NEK11: variants seen among roughly 807,000 people sequenced by gnomAD.
NEK11 encodes the protein serine/threonine-protein kinase Nek11.
NEK11 carries 72 observed loss-of-function variants against 80.7 expected under a neutral mutation model. That is an observed-to-expected ratio of 0.89 (90% CI 0.74 to 1.08). NEK11 has a LOEUF of 1.08. NEK11 is among the 50% of genes least tolerant of loss of function. The pLI is 0.00. For synonymous variants in NEK11, 251 were observed against 260.7 expected, an observed-to-expected ratio of 0.96 and a Z score of 0.36; for missense variants, 764 against 763.6, an observed-to-expected ratio of 1.00 and a Z score of -0.01.
intron 7 of NEK11, among the ~76,000 whole-genome samples, chr3:131,137,473 G>C (rs1340536793): frequency 6.6e-6 from 1 of 152,096 alleles, no homozygotes. Flanking sequence ...GAAAGCTCTG[G>C]AGCAAAAGAA....
At chr3:131,242,474 CAG>C (rs2095534328) in intron 15 of NEK11, among the ~76,000 whole-genome samples, 1 of 152,120 alleles carries the variant, frequency 6.6e-6, no homozygotes, top group South Asian at 2.1e-4. Context: ...AATTATGAAA[CAG>C]GGAAGAAATG....
intron 4 of NEK11, among the ~76,000 whole-genome samples, chr3:131,093,760 C>T (rs149828637): frequency 6.6e-6 from 1 of 152,196 alleles, no homozygotes; most frequent in African/African-American, 2.4e-5. Context: ...AAATTTGTTA[C>T]ATGGTGAACT....
chr3:131,127,722 G>A (rs2083607897), intron 5 of NEK11, among the ~76,000 whole-genome samples: 1 of 124,404 alleles, frequency 8.0e-6, no homozygotes, highest in Non-Finnish European at 1.8e-5. Flanking sequence ...AACAATATAT[G>A]TGAAATATTG....
chr3:131,304,902 G>A (rs1403443676), intron 17 of NEK11, among the ~76,000 whole-genome samples: 1 of 152,112 alleles, frequency 6.6e-6, no homozygotes, highest in African/African-American at 2.4e-5. Context: ...AGCTGGGGTG[G>A]AGCACCATTG....
chr3:131,234,981 T>C (rs549644470), intron 15 of NEK11, among the ~76,000 whole-genome samples: 129 of 152,012 alleles, frequency 8.5e-4, no homozygotes, highest in African/African-American at 2.9e-3. Context: ...TACCAAAGCA[T>C]GGAGAAAAAG....
chr3:131,049,767 G>T (rs2068039897), intron 3 of NEK11, among the ~76,000 whole-genome samples: 1 of 152,094 alleles, frequency 6.6e-6, no homozygotes, highest in Non-Finnish European at 1.5e-5. Flanking sequence ...AAATTTGCCA[G>T]ATATTGTTCA....
chr3:131,203,732 TA>T (rs2094334706), intron 14 of NEK11, among the ~76,000 whole-genome samples: 1 of 131,766 alleles, frequency 7.6e-6, no homozygotes, highest in African/African-American at 2.9e-5. Flanking sequence ...GTATATTATA[TA>T]TGTGTATATA....
chr3:131,272,051 G>A (rs2096199647), intron 16 of NEK11, among the ~76,000 whole-genome samples: 1 of 152,024 alleles, frequency 6.6e-6, no homozygotes. Flanking sequence ...GGTGAGCCGA[G>A]ATCACGCCAT....
intron 14 of NEK11, among the ~76,000 whole-genome samples, chr3:131,185,171 G>T (rs1440838294): frequency 6.6e-6 from 1 of 152,152 alleles, no homozygotes; most frequent in Non-Finnish European, 1.5e-5. Context: ...TTAATAACAG[G>T]CCTAGTAGGG....
intron 4 of NEK11, among the ~76,000 whole-genome samples, chr3:131,085,428 G>A (rs1042942911): frequency 5.9e-5 from 9 of 152,178 alleles, no homozygotes; most frequent in African/African-American, 2.2e-4. Context: ...GAATTTTCAG[G>A]TAGGATTAAT....
intron 17 of NEK11, among the ~76,000 whole-genome samples, chr3:131,307,095 G>C (rs1208581668): frequency 1.3e-5 from 2 of 152,160 alleles, no homozygotes; most frequent in Non-Finnish European, 2.9e-5. Flanking sequence ...TTAGGAGGGA[G>C]TGATGCCTTC....
intron 17 of NEK11, among the ~76,000 whole-genome samples, chr3:131,344,166 C>T (rs2097327821): frequency 6.6e-6 from 1 of 152,192 alleles, no homozygotes; most frequent in Non-Finnish European, 1.5e-5. Flanking sequence ...AGCCAGGACA[C>T]ATCTTGAAGG....
At chr3:131,292,125 A>G (rs994494363) in intron 17 of NEK11, among the ~76,000 whole-genome samples, 4 of 152,216 alleles carry the variant, frequency 2.6e-5, no homozygotes, top group Admixed American at 2.6e-4. Flanking sequence ...CCGAGATTCA[A>G]TTATTTGCAT....
intron 17 of NEK11, among the ~76,000 whole-genome samples, chr3:131,310,021 A>C (rs1213962751): frequency 7.4e-5 from 10 of 135,992 alleles, no homozygotes; most frequent in South Asian, 2.2e-4. Flanking sequence ...AAAAAAAAAA[A>C]AACAACCTGT....
intron 16 of NEK11, among the ~76,000 whole-genome samples, chr3:131,256,506 G>A (rs2095819434): frequency 6.6e-6 from 1 of 152,118 alleles, no homozygotes; most frequent in African/African-American, 2.4e-5. Flanking sequence ...TAAGGTAAAT[G>A]CAGAAATATT....
chr3:131,213,754 A>G (rs947597547), intron 14 of NEK11, among the ~76,000 whole-genome samples: 3 of 152,294 alleles, frequency 2.0e-5, no homozygotes, highest in Admixed American at 6.5e-5. Context: ...AGTCCTGCCA[A>G]TCTGAACCCA....
chr3:131,111,328 T>C lies in NEK11; in HGVS notation c.455+1407T>C, dbSNP rs114528791. On this transcript the variant is annotated intron_variant, in intron 5 of 17. Transcript: ENST00000383366. ...AAATATTTGGATATTTGTGAATCTG[T>C]GGATCTGAAATACAATCCTTTGTGA... Among the ~76,000 whole-genome samples, 746 of 152,290 alleles carry C rather than the reference T, an allele frequency of 4.9e-3. 4 individuals carry two copies. The highest frequency in any genetic ancestry group is 0.017 in the African/African-American group (703 of 41,570).
intron 5 of NEK11, among the ~76,000 whole-genome samples, chr3:131,127,825 T>TGA (rs1168936004): frequency 1.6e-4 from 24 of 152,288 alleles, no homozygotes; most frequent in Non-Finnish European, 2.2e-4. Flanking sequence ...AGTTTAACTG[T>TGA]AGGCTGTAGG....
At chr3:131,317,252 C>G (rs568881616) in intron 17 of NEK11, among the ~76,000 whole-genome samples, 1 of 152,258 alleles carries the variant, frequency 6.6e-6, no homozygotes, top group African/African-American at 2.4e-5. Context: ...GACTCTGTGA[C>G]AGAGCTTTAG....
Sources: allele counts gnomAD v4.1 joint callset (sites outside exome capture counted in the v4.1 genomes callset), GRCh38; gene constraint gnomAD v4.1.1; transcripts MANE v1.5; gene names NCBI Gene and HGNC (gene_info 2026-07-23, HGNC 2026-07-21).